The following MAGI2 variants were observed in gnomAD, a reference collection of about 807,000 sequenced individuals.
The protein encoded by MAGI2 is membrane-associated guanylate kinase, WW and PDZ domain-containing protein 2.
Under a neutral mutation model 133.3 loss-of-function variants are expected in MAGI2, and 35 were observed. The ratio of observed to expected loss-of-function variants is 0.26; its 90% CI spans 0.20 to 0.35. The LOEUF (loss-of-function observed/expected upper bound fraction) is 0.35. MAGI2 is among the 10% of genes least tolerant of loss of function. MAGI2 has a pLI of 1.00. For missense variants in MAGI2, 1,636 were observed against 1,863.4 expected (o/e 0.88, Z 2.25); for synonymous variants, 729 against 710.6 (o/e 1.03, Z -0.41).
intron 2 of MAGI2, among the ~76,000 whole-genome samples, chr7:78,654,701 A>ATG (rs200039894): frequency 3.6e-3 from 168 of 46,732 alleles, no homozygotes; most frequent in African/African-American, 9.6e-3. Flanking sequence ...TTTTACATAT[A>ATG]TGTATATATA....
rs570104184 is a variant in MAGI2 at position 78,756,428 on chromosome 7, AT to A, written c.419-129190del. Among the ~76,000 whole-genome samples, 19 of 151,570 alleles carry A rather than the reference AT, an allele frequency of 1.3e-4. No individual in the cohort carries two copies. The South Asian group carries it at 1.9e-3, about 15-fold the overall frequency. On this transcript the variant is annotated intron_variant, in intron 2 of 21. Coordinates refer to ENST00000354212, the MANE Select transcript of MAGI2 (RefSeq NM_012301.4). ...ATTTATTAATATAATATATTTAGTT[AT>A]TTTTTTTTCTCTCTGGAGGCAATTG...
intron 7 of MAGI2, among the ~76,000 whole-genome samples, chr7:78,360,294 GAATT>G (rs1792641559): frequency 6.6e-6 from 1 of 151,990 alleles, no homozygotes; most frequent in African/African-American, 2.4e-5. Flanking sequence ...ATTCCAGAAA[GAATT>G]ATTTTCCAAC....
intron 1 of MAGI2, among the ~76,000 whole-genome samples, chr7:79,228,370 A>AAAAAAAAAAAAAAAAAAAAAAAAC (rs1491129211): frequency 8.8e-5 from 13 of 147,250 alleles, no homozygotes; most frequent in Admixed American, 2.1e-4. Flanking sequence ...AAAAAAAAAA[A>AAAAAAAAAAAAAAAAAAAAAAAAC]GATCGTGGGA....
chr7:78,817,082 C>A (rs573112479), intron 2 of MAGI2, among the ~76,000 whole-genome samples: 1 of 152,048 alleles, frequency 6.6e-6, no homozygotes, highest in African/African-American at 2.4e-5. Context: ...TGAATCCAAC[C>A]GTCATGGATG....
chr7:78,966,003 A>G (rs970209184), intron 2 of MAGI2, among the ~76,000 whole-genome samples: 9 of 152,164 alleles, frequency 5.9e-5, no homozygotes, highest in African/African-American at 1.9e-4. Context: ...CCCAAGTTCC[A>G]TCTACAGAGA....
chr7:78,441,004 A>ACTGGACATTGGATACT (rs1787566872), intron 6 of MAGI2, among the ~76,000 whole-genome samples: 1 of 152,158 alleles, frequency 6.6e-6, no homozygotes, highest in Admixed American at 6.6e-5. Context: ...AATGTCCAGT[A>ACTGGACATTGGATACT]GGCAGCTGGA....
At chr7:78,501,494 TTTTTTC>T in intron 5 of MAGI2, 77 bp downstream of exon 5, 5 of 1,227,466 alleles carry the variant, frequency 4.1e-6, no homozygotes, top group South Asian at 1.4e-5. Context: ...CTTTTTTTTT[TTTTTTC>T]CACGTCTAAC....
At chr7:79,261,037 CAAT>C (rs550423876) in intron 1 of MAGI2, among the ~76,000 whole-genome samples, 31 of 152,236 alleles carry the variant, frequency 2.0e-4, no homozygotes, top group Non-Finnish European at 4.4e-4. Context: ...AGTGAAACAA[CAAT>C]GAGAGAATTA....
intron 14 of MAGI2, chr7:78,171,027 T>C (rs1213568268): frequency 1.3e-5 from 2 of 152,248 alleles, no homozygotes; most frequent in Non-Finnish European, 2.9e-5. Flanking sequence ...GGCTGACCAC[T>C]TGCACCGTCA....
chr7:78,828,354 T>C (rs1322760049), intron 2 of MAGI2, among the ~76,000 whole-genome samples: 3 of 152,218 alleles, frequency 2.0e-5, no homozygotes, highest in Non-Finnish European at 4.4e-5. Flanking sequence ...GCATGTCTTT[T>C]GGATCTGATG....
At chr7:78,984,927 T>G (rs1805107556) in intron 2 of MAGI2, among the ~76,000 whole-genome samples, 2 of 152,020 alleles carry the variant, frequency 1.3e-5, no homozygotes, top group Non-Finnish European at 2.9e-5. Flanking sequence ...CAATATACAA[T>G]TTCTAAGTGA....
At chr7:79,141,094 T>C (rs1399500747) in intron 1 of MAGI2, among the ~76,000 whole-genome samples, 1 of 152,200 alleles carries the variant, frequency 6.6e-6, no homozygotes, top group Non-Finnish European at 1.5e-5. Flanking sequence ...AAATCCTACA[T>C]TTATCAAATT....
chr7:79,179,835 A>G (rs1562967678), intron 1 of MAGI2, among the ~76,000 whole-genome samples: 1 of 152,024 alleles, frequency 6.6e-6, no homozygotes, highest in Admixed American at 6.6e-5. Flanking sequence ...GAAAAAAATC[A>G]GTGAAATGCA....
chr7:78,472,206 T>C (rs575868950), intron 6 of MAGI2, among the ~76,000 whole-genome samples: 19 of 152,130 alleles, frequency 1.2e-4, no homozygotes, highest in Non-Finnish European at 2.5e-4. Context: ...TTTGCTGTCA[T>C]GTAAAACTTT....
intron 2 of MAGI2, among the ~76,000 whole-genome samples, chr7:78,960,522 C>G (rs1802749088): frequency 6.6e-6 from 1 of 151,954 alleles, no homozygotes; most frequent in South Asian, 2.1e-4. Context: ...ATAATGTTTG[C>G]AGAAATCATA....
At chr7:79,218,206 T>C (rs976534933) in intron 1 of MAGI2, among the ~76,000 whole-genome samples, 1 of 151,996 alleles carries the variant, frequency 6.6e-6, no homozygotes, top group Admixed American at 6.5e-5. Flanking sequence ...ATGAATACTT[T>C]GTATTCCATG....
intron 1 of MAGI2, among the ~76,000 whole-genome samples, chr7:79,449,338 A>G (rs997294322): frequency 6.8e-6 from 1 of 147,256 alleles, no homozygotes; most frequent in African/African-American, 2.5e-5. Context: ...CATCTTCCAC[A>G]TGGGAAGAAT....
intron 2 of MAGI2, among the ~76,000 whole-genome samples, chr7:78,733,228 T>C (rs1821535232): frequency 6.6e-6 from 1 of 152,156 alleles, no homozygotes; most frequent in South Asian, 2.1e-4. Flanking sequence ...CCTTTACTAG[T>C]TCTTACTAAC....
intron 20 of MAGI2, among the ~76,000 whole-genome samples, chr7:78,120,922 A>C: frequency 2.2e-5 from 3 of 139,512 alleles, no homozygotes; most frequent in Non-Finnish European, 3.1e-5. Context: ...AATGGCGTGA[A>C]CCCGGGAGGC....
Sources: gnomAD v4.1 joint callset for allele counts (sites outside exome capture counted in the v4.1 genomes callset) on GRCh38, gnomAD v4.1.1 for gene constraint, MANE v1.5 for transcripts, NCBI Gene and HGNC (gene_info 2026-07-23, HGNC 2026-07-21) for gene names.